The following TTLL11 variants were observed in gnomAD, a reference collection of about 807,000 sequenced individuals.
TTLL11 encodes tubulin polyglutamylase TTLL11.
In TTLL11, 42 loss-of-function variants were observed where a neutral mutation model predicts 51.7. The observed-to-expected ratio is 0.81, with a 90% confidence interval of 0.64 to 1.05. TTLL11 has a LOEUF of 1.05. Ranked by LOEUF, TTLL11 falls within the 50% of genes least tolerant of loss-of-function variation. TTLL11 has a pLI of 0.00. For synonymous variants in TTLL11, 381 were observed against 383.5 expected (o/e 0.99, Z 0.08); for missense variants, 799 against 940.4 (o/e 0.85, Z 1.97).
chr9:121,910,039 G>A (rs1282911307), intron 6 of TTLL11, among the ~76,000 whole-genome samples: 2 of 152,184 alleles, frequency 1.3e-5, no homozygotes, highest in African/African-American at 4.8e-5. Context: ...ATAATGTAAG[G>A]TATGTAGGGC....
chr9:122,009,281 C>T (rs1452566659), intron 3 of TTLL11, among the ~76,000 whole-genome samples: 1 of 152,078 alleles, frequency 6.6e-6, no homozygotes, highest in African/African-American at 2.4e-5. Context: ...TTCAAAACAA[C>T]ATGTTGTACA....
intron 6 of TTLL11, 77 bp from the exon 7 acceptor site, chr9:121,870,825 G>GA: frequency 7.0e-7 from 1 of 1,419,494 alleles, no homozygotes; most frequent in Non-Finnish European, 9.4e-7. Flanking sequence ...CAGCCTCCTC[G>GA]GGAGGCAGCA....
At chr9:122,052,490 T>C (rs1459887704) in intron 1 of TTLL11, among the ~76,000 whole-genome samples, 1 of 152,184 alleles carries the variant, frequency 6.6e-6, no homozygotes, top group Non-Finnish European at 1.5e-5. Flanking sequence ...AATAGTATGT[T>C]TGGACCACCT....
At chr9:122,027,998 G>A (rs1844401696) in intron 3 of TTLL11, among the ~76,000 whole-genome samples, 1 of 152,152 alleles carries the variant, frequency 6.6e-6, no homozygotes, top group Non-Finnish European at 1.5e-5. Context: ...ATGAGGGCGG[G>A]AATGGAACTA....
intron 6 of TTLL11, among the ~76,000 whole-genome samples, chr9:121,956,896 A>G (rs1308762199): frequency 1.3e-5 from 2 of 152,178 alleles, no homozygotes; most frequent in African/African-American, 2.4e-5. Flanking sequence ...GCAGGCTCCA[A>G]GGTTCTGCAT....
intron 6 of TTLL11, among the ~76,000 whole-genome samples, chr9:121,949,628 C>T (rs910374932): frequency 2.6e-5 from 4 of 152,080 alleles, no homozygotes; most frequent in Non-Finnish European, 4.4e-5. Flanking sequence ...AGGTGTCTGA[C>T]ACCAAAGCTT....
intron 1 of TTLL11, among the ~76,000 whole-genome samples, chr9:122,074,048 G>A (rs908245232): frequency 6.6e-6 from 1 of 152,164 alleles, no homozygotes; most frequent in Non-Finnish European, 1.5e-5. Flanking sequence ...TGAGGCAGGT[G>A]GATCATTTGA....
At chr9:122,009,448 GA>G (rs1336658876) in intron 3 of TTLL11, among the ~76,000 whole-genome samples, 1 of 151,540 alleles carries the variant, frequency 6.6e-6, no homozygotes, top group Non-Finnish European at 1.5e-5. Flanking sequence ...TTTTTGATGT[GA>G]AAATCTAATA....
rs1836604335 is a variant in TTLL11 at position 121,822,375 on chromosome 9, G to C, written c.*212C>G. 2.3e-6 allele frequency: 1 copy of C among 436,298 alleles called. No homozygotes were observed. The highest frequency in any genetic ancestry group is 4.1e-6 in the Non-Finnish European group (1 of 246,304). The allele number at this position is 436,298 out of a possible 1,614,324, so 27.0% of individuals were successfully genotyped here. On this transcript the variant is annotated 3_prime_UTR_variant, in exon 9 of 9. Transcript: ENST00000321582. The surrounding 1 kb of genome is among the most constrained non-coding windows in gnomAD (Gnocchi z 5.8). ...TCCGATGACTGATGACTCAGAAACA[G>C]GGTGTATCACCAGGAGGTGTGAGGA...
Position 121,961,780 on chromosome 9 carries a change from G to A in TTLL11, c.1481+12229C>T, listed in dbSNP as rs986062860. On this transcript the variant is annotated intron_variant, in intron 6 of 8. Coordinates refer to ENST00000321582, the MANE Select transcript of TTLL11 (RefSeq NM_001139442.2). ...TATAAAAGGGAGAAAAATAGGCCAGGTGCCATGGCTCACACCTGTAATCCC... is the reference window on the plus strand; with the variant it reads ...TATAAAAGGGAGAAAAATAGGCCAGATGCCATGGCTCACACCTGTAATCCC... Among the ~76,000 whole-genome samples, 6 of 152,238 alleles carry A rather than the reference G, an allele frequency of 3.9e-5. No homozygotes were observed. In the South Asian group the frequency reaches 8.3e-4, roughly 21 times the overall value.
At chr9:122,062,956 T>C (rs531568404) in intron 1 of TTLL11, among the ~76,000 whole-genome samples, 14 of 152,114 alleles carry the variant, frequency 9.2e-5, no homozygotes, top group Non-Finnish European at 1.8e-4. Flanking sequence ...ATTTTGTTTA[T>C]TGTTTGTAGA....
At chr9:121,889,440 C>T (rs1839136468) in intron 6 of TTLL11, among the ~76,000 whole-genome samples, 1 of 152,200 alleles carries the variant, frequency 6.6e-6, no homozygotes. Flanking sequence ...GATGTACATT[C>T]ATTGCTGTGC....
rs1843024852 is a variant in TTLL11, at chr9:121,989,216, C to T, written c.1248G>A (p.Arg416=). ...TTACCTGGAAGCACGTGGGGCCCGGCCTCCCCGTGGGGATGTCTGACTGGT... is the reference window on the plus strand; with the variant it reads ...TTACCTGGAAGCACGTGGGGCCCGGTCTCCCCGTGGGGATGTCTGACTGGT... ...VFYQSDIPTG[R]PGPTCFQILG... is the part of the protein sequence containing the mutation. The change falls in exon 4 of 9, where the codon AGG becomes AGA. Residue 416 remains arginine (R), a synonymous_variant. Coordinates refer to ENST00000321582, the MANE Select transcript of TTLL11 (RefSeq NM_001139442.2). This position sits in a 1 kb window ranked among gnomAD's most constrained non-coding sequence, Gnocchi z 4.2. 1 of 1,613,996 alleles carries T rather than the reference C, an allele frequency of 6.2e-7. No homozygotes were observed.
intron 3 of TTLL11, among the ~76,000 whole-genome samples, chr9:122,028,014 C>T (rs1253107171): frequency 6.6e-6 from 1 of 152,108 alleles, no homozygotes; most frequent in Non-Finnish European, 1.5e-5. Flanking sequence ...AACTATACTG[C>T]TGTAAGGCGC....
At chr9:121,925,423 C>T (rs1050989119) in intron 6 of TTLL11, among the ~76,000 whole-genome samples, 2 of 150,604 alleles carry the variant, frequency 1.3e-5, no homozygotes, top group South Asian at 4.2e-4. Context: ...CTTCCAGCTG[C>T]GCCCGCCCAC....
At chr9:121,904,459 G>A (rs4837910) in intron 6 of TTLL11, among the ~76,000 whole-genome samples, 90,353 of 151,996 alleles carry the variant, frequency 0.59, 29,334 homozygotes, top group Admixed American at 0.75. Context: ...ACAGGCGTGA[G>A]CCACCACGCC....
chr9:121,949,922 C>T (rs1205340586), intron 6 of TTLL11, among the ~76,000 whole-genome samples: 1 of 152,016 alleles, frequency 6.6e-6, no homozygotes, highest in Admixed American at 6.6e-5. Context: ...GGTCTTCAGT[C>T]CTTCCTGTTC....
chr9:121,827,210 G>A (rs1235533661), intron 8 of TTLL11, among the ~76,000 whole-genome samples: 1 of 152,234 alleles, frequency 6.6e-6, no homozygotes, highest in East Asian at 1.9e-4. Flanking sequence ...AGGGAGTCCA[G>A]TATGCCAGAC....
At chr9:121,988,488 C>G (rs1842995445) in intron 4 of TTLL11, among the ~76,000 whole-genome samples, 1 of 152,008 alleles carries the variant, frequency 6.6e-6, no homozygotes, top group African/African-American at 2.4e-5. Context: ...TCCAGTGCCT[C>G]CTGCTTCCCA....
Sources: gnomAD v4.1 joint callset for allele counts (sites outside exome capture counted in the v4.1 genomes callset) on GRCh38, gnomAD v4.1.1 for gene constraint, Gnocchi (gnomAD v3.1) non-coding constraint, MANE v1.5 for transcripts, NCBI Gene and HGNC (gene_info 2026-07-23, HGNC 2026-07-21) for gene names.